PAK1IP1: variants seen among roughly 807,000 people sequenced by gnomAD.
PAK1IP1 encodes the protein p21-activated protein kinase-interacting protein 1.
PAK1IP1 carries 24 observed loss-of-function variants against 42.0 expected under a neutral mutation model. The observed-to-expected ratio is 0.57, with a 90% confidence interval of 0.41 to 0.80. The LOEUF (loss-of-function observed/expected upper bound fraction) is 0.80, where lower values mean the gene tolerates loss of function less well. Among genes scored for constraint, PAK1IP1 ranks in the 30% least tolerant of loss-of-function variants. The pLI is 0.00. For synonymous variants in PAK1IP1, 154 were observed against 156.7 expected, an observed-to-expected ratio of 0.98 and a Z score of 0.13; for missense variants, 411 against 467.9, an observed-to-expected ratio of 0.88 and a Z score of 1.12.
chr6:10,694,164 G>A (rs1769622469), upstream of PAK1IP1, among the ~76,000 whole-genome samples: 1 of 151,196 alleles, frequency 6.6e-6, no homozygotes, highest in South Asian at 2.1e-4. Flanking sequence ...GGAGGCTGAG[G>A]CAGGAGAATT....
At chr6:10,694,901 G>GT (rs1307774433), upstream of PAK1IP1, 19 of 812,440 alleles carry the variant, frequency 2.3e-5, no homozygotes, top group African/African-American at 2.8e-4. Flanking sequence ...AAGGAGTCAG[G>GT]TGTTTTTTTT....
chr6:10,708,886 G>C (rs1770290309), intron 8 of PAK1IP1, 67 bp from the exon 9 acceptor site: 1 of 1,307,740 alleles, frequency 7.6e-7, no homozygotes, highest in Middle Eastern at 1.9e-4. Flanking sequence ...TTAAATTAAG[G>C]TAACTTGATT....
chr6:10,695,097 C>T, intron 1 of PAK1IP1, 28 bp downstream of exon 1: 3 of 1,488,402 alleles, frequency 2.0e-6, no homozygotes, highest in Non-Finnish European at 2.8e-6. Flanking sequence ...TAGAGACAGT[C>T]GGAGGCGGGG....
upstream of PAK1IP1, among the ~76,000 whole-genome samples, chr6:10,691,915 A>G (rs989354772): frequency 1.3e-5 from 2 of 152,176 alleles, no homozygotes; most frequent in African/African-American, 4.8e-5. Context: ...AGAACCAACT[A>G]TATTCTAAAA....
In PAK1IP1 at chr6:10,709,543, G is replaced by C; in HGVS notation, c.*91G>C. 4.5e-6 allele frequency: 3 copies of C among 672,930 alleles called. No individual in the cohort carries two copies. Among genetic ancestry groups the C allele is most frequent in the Non-Finnish European group, 4.2e-6 (2 of 474,280 alleles). The allele number at this position is 672,930 out of a possible 1,614,324, so 41.7% of individuals were successfully genotyped here. ...TTTTTTTTTCCCTGAGTAAAAGCAA[G>C]AAATTTCTTCCTTTGGAAAAAATAT... On this transcript the variant is annotated 3_prime_UTR_variant, in exon 10 of 10. Transcript: ENST00000379568.
chr6:10,695,082 GTAGT>G lies in PAK1IP1; in HGVS notation c.84+17_84+20del, dbSNP rs759418854. The G allele has an allele frequency of 9.6e-6, 15 of 1,565,744 alleles. No homozygotes were observed. In the East Asian group the frequency reaches 1.1e-4, roughly 12 times the overall value. ...CGGCGACCACGAGGTGAGATACCGC[GTAGT>G]TAGAGACAGTCGGAGGCGGGGCCGG... On this transcript the variant is annotated intron_variant, in intron 1 of 9. Coordinates refer to ENST00000379568, the MANE Select transcript of PAK1IP1 (RefSeq NM_017906.3).
chr6:10,705,694 C>T (rs1019121940), intron 7 of PAK1IP1, among the ~76,000 whole-genome samples: 1 of 152,098 alleles, frequency 6.6e-6, no homozygotes. Flanking sequence ...GAGCTGAACC[C>T]GGTTTTATCT....
chr6:10,694,906 T>TTTG (rs1769737508), upstream of PAK1IP1: 37 of 533,490 alleles, frequency 6.9e-5, no homozygotes, highest in Admixed American at 4.5e-4. Flanking sequence ...GTCAGGTGTT[T>TTTG]TTTTTTTTTT....
At chr6:10,706,093 A>G (rs1233695478) in intron 7 of PAK1IP1, among the ~76,000 whole-genome samples, 1 of 152,208 alleles carries the variant, frequency 6.6e-6, no homozygotes, top group African/African-American at 2.4e-5. Flanking sequence ...TAAGGAGGCA[A>G]TAGATTATAA....
chr6:10,695,312 T>C (rs1432368105), intron 1 of PAK1IP1, among the ~76,000 whole-genome samples: 2 of 152,200 alleles, frequency 1.3e-5, no homozygotes, highest in African/African-American at 4.8e-5. Flanking sequence ...GAAACCGGCA[T>C]TTCTGCATAC....
chr6:10,697,566 CTA>C lies in PAK1IP1; in HGVS notation c.247+82_247+83del, dbSNP rs569268910. On this transcript the variant is annotated intron_variant, in intron 2 of 9. Coordinates refer to ENST00000379568, the MANE Select transcript of PAK1IP1 (RefSeq NM_017906.3). ...ACTTCAGTTGAACAATTTGTTGTAT[CTA>C]TTTTATAGCAGATTCTTTGCTAGAA... The C allele has an allele frequency of 1.1e-4, 121 of 1,089,060 alleles. No individual in the cohort carries two copies. In the African/African-American group the frequency reaches 1.3e-3, roughly 12 times the overall value. The allele number at this position is 1,089,060 out of a possible 1,614,324, so 67.5% of individuals were successfully genotyped here.
Position 10,704,515 on chromosome 6 carries a change from A to G in PAK1IP1, c.505A>G (p.Ile169Val), listed in dbSNP as rs1406046644. ...FIKNIKQNAH[I>V]VEWSPRGEQY... Reference sequence around the variant, plus strand: ...TTTTTTTCCACTTACAGATGCTCACATAGTAGAATGGTCCCCAAGAGGAGA... The same window carrying G: ...TTTTTTTCCACTTACAGATGCTCACGTAGTAGAATGGTCCCCAAGAGGAGA... The change falls in exon 6 of 10, where the codon ATA becomes GTA. Residue 169 changes from isoleucine to valine, a missense_variant. By Grantham distance (29) the Ile-to-Val change is conservative. Transcript: ENST00000379568. The G allele has an allele frequency of 1.9e-6, 3 of 1,575,506 alleles. No individual in the cohort carries two copies. Among genetic ancestry groups the G allele is most frequent in the African/African-American group, 2.7e-5 (2 of 73,450 alleles).
Position 10,709,490 on chromosome 6 carries a change from A to T in PAK1IP1, c.*38A>T. The T allele has an allele frequency of 7.0e-7, 1 of 1,421,042 alleles. No individual in the cohort carries two copies. Among genetic ancestry groups the T allele is most frequent in the Non-Finnish European group, 9.7e-7 (1 of 1,033,730 alleles). 88.0% of individuals were successfully genotyped at this position (1,421,042 alleles called of 1,614,324 possible). A position where few individuals can be genotyped will look rare whatever the true frequency, so the allele number is the denominator to read the frequency against. On this transcript the variant is annotated 3_prime_UTR_variant, in exon 10 of 10. Transcript: ENST00000379568. The stretch of plus-strand genomic sequence containing the variant: ...TCCTGAAAGAACTCTTTTAGATGAA[A>T]TCATTCTACTCAAATGTACCTTAAT...
chr6:10,707,307 G>T, intron 7 of PAK1IP1, 108 bp from the exon 8 acceptor site: 1 of 717,100 alleles, frequency 1.4e-6, no homozygotes, highest in South Asian at 1.7e-5. Flanking sequence ...GAGCAGTTTG[G>T]AAATACTTGA....
intron 1 of PAK1IP1, among the ~76,000 whole-genome samples, chr6:10,696,700 T>G (rs939525681): frequency 1.3e-5 from 2 of 152,174 alleles, no homozygotes; most frequent in African/African-American, 2.4e-5. Flanking sequence ...CCCAGCACTT[T>G]GGGAGGGCGA....
chr6:10,694,908 T>TTG (rs1769738506), upstream of PAK1IP1: 1 of 845,870 alleles, frequency 1.2e-6, no homozygotes, highest in African/African-American at 1.8e-5. Context: ...CAGGTGTTTT[T>TTG]TTTTTTTTTT....
In PAK1IP1 at chr6:10,702,251, A is replaced by T. The variant is rs1201429099; in HGVS notation, c.248-118A>T. ...GTGAAACCCTGCCTCAAAAAAAAAA[A>T]AAAGAAAAAGAAAAAAAGGTATTGA... is the stretch of plus-strand genomic sequence containing the variant. On this transcript the variant is annotated intron_variant, in intron 2 of 9. Transcript: ENST00000379568. The T allele has an allele frequency of 3.6e-6, 3 of 833,602 alleles. No homozygotes were observed. The African/African-American group carries it at 5.2e-5, about 14-fold the overall frequency. 51.6% of individuals were successfully genotyped at this position (833,602 alleles called of 1,614,324 possible). A position where few individuals can be genotyped will look rare whatever the true frequency, so the allele number is the denominator to read the frequency against.
At chr6:10,701,399 C>T (rs779035626) in intron 2 of PAK1IP1, among the ~76,000 whole-genome samples, 1 of 152,196 alleles carries the variant, frequency 6.6e-6, no homozygotes, top group Non-Finnish European at 1.5e-5. Context: ...TCTCTTCCTG[C>T]ATTAGTTTGC....
intron 2 of PAK1IP1, among the ~76,000 whole-genome samples, chr6:10,698,443 C>A (rs912074609): frequency 6.6e-6 from 1 of 152,238 alleles, no homozygotes; most frequent in Non-Finnish European, 1.5e-5. Context: ...GAACTTGAAC[C>A]TGGGCCTAGA....
Sources: allele counts gnomAD v4.1 joint callset (sites outside exome capture counted in the v4.1 genomes callset), GRCh38; gene constraint gnomAD v4.1.1; transcripts MANE v1.5; gene names NCBI Gene and HGNC (gene_info 2026-07-23, HGNC 2026-07-21).